The following ITPR2 variants were observed in gnomAD, a reference collection of about 807,000 sequenced individuals.
ITPR2 encodes inositol 1,4,5-trisphosphate receptor type 2.
Under a neutral mutation model 317.1 loss-of-function variants are expected in ITPR2, and 207 were observed. The observed-to-expected ratio is 0.65, with a 90% confidence interval of 0.58 to 0.73. ITPR2 has a LOEUF of 0.73. ITPR2 is among the 30% of genes least tolerant of loss of function. ITPR2 has a pLI of 0.00. For synonymous variants in ITPR2, 1,156 were observed against 1,149.1 expected (o/e 1.01, Z -0.12); for missense variants, 2,613 against 3,284.0 (o/e 0.80, Z 4.99).
chr12:26,693,495 T>C (rs763700964), intron 10 of ITPR2, among the ~76,000 whole-genome samples: 1 of 152,212 alleles, frequency 6.6e-6, no homozygotes, highest in Non-Finnish European at 1.5e-5. Flanking sequence ...AAGTTTCTCA[T>C]ATAAAATTGC....
chr12:26,556,566 T>TGTGTGTGTGTG lies in ITPR2; in HGVS notation c.4822-192_4822-191insCACACACACAC, dbSNP rs1555155169. 8.3e-4 allele frequency among the ~76,000 whole-genome samples: 113 copies of TGTGTGTGTGTG among 136,270 alleles called. 1 individual carries two copies. The highest frequency in any genetic ancestry group is 1.4e-3 in the Non-Finnish European group (89 of 64,386). The allele number at this position is 136,270 out of a possible 152,430, so 89.4% of individuals were successfully genotyped here. On this transcript the variant is annotated intron_variant, in intron 35 of 56. Transcript: ENST00000381340. The stretch of plus-strand genomic sequence containing the variant: ...ATTGCCTGGGTCTCTATTTTTTTTT[T>TGTGTGTGTGTG]TGTGTGTGTGTGTGTGTGTGTGTGT...
chr12:26,656,557 T>C lies in ITPR2; in HGVS notation c.2193-9A>G, dbSNP rs1240250035. 1 of 1,613,808 alleles carries C rather than the reference T, an allele frequency of 6.2e-7. No individual in the cohort carries two copies. ...AGAGGTTTAGCTGGTACCTTAAAAATGGTAAACATATTACATTATTGTCTT... is the reference window on the plus strand; with the variant it reads ...AGAGGTTTAGCTGGTACCTTAAAAACGGTAAACATATTACATTATTGTCTT... On this transcript the variant is annotated splice_polypyrimidine_tract_variant and intron_variant, in intron 18 of 56. Coordinates refer to ENST00000381340, the MANE Select transcript of ITPR2 (RefSeq NM_002223.4).
At chr12:26,451,625 G>A (rs1941744079) in intron 45 of ITPR2, among the ~76,000 whole-genome samples, 1 of 151,892 alleles carries the variant, frequency 6.6e-6, no homozygotes, top group African/African-American at 2.4e-5. Flanking sequence ...GACAAAGATA[G>A]GTACAAAATA....
In ITPR2 at chr12:26,492,854, T is replaced by C. The variant is rs138419700; in HGVS notation, c.5370+1299A>G. ...ACAAGTAAATGATAAATATTTGAGG[T>C]GATGGATATGCTAATTATCCTGATT... On this transcript the variant is annotated intron_variant, in intron 39 of 56. Transcript: ENST00000381340. Among the ~76,000 whole-genome samples, 1,241 of 151,900 alleles carry C rather than the reference T, an allele frequency of 8.2e-3. 28 individuals carry two copies. The highest frequency in any genetic ancestry group is 0.028 in the African/African-American group (1,180 of 41,412).
At chr12:26,697,888 TAC>T (rs1243630957) in intron 9 of ITPR2, among the ~76,000 whole-genome samples, 3 of 151,934 alleles carry the variant, frequency 2.0e-5, no homozygotes, top group Non-Finnish European at 4.4e-5. Context: ...TATTTCAATA[TAC>T]ATGAAAACAT....
intron 44 of ITPR2, among the ~76,000 whole-genome samples, 161 bp from the exon 45 acceptor site, chr12:26,475,579 G>A (rs1007468663): frequency 4.6e-5 from 7 of 152,188 alleles, no homozygotes; most frequent in African/African-American, 1.7e-4. Context: ...AATGAACATG[G>A]AAGTATCTTC....
At chr12:26,812,146 G>C (rs1027517816) in intron 1 of ITPR2, among the ~76,000 whole-genome samples, 13 of 141,620 alleles carry the variant, frequency 9.2e-5, no homozygotes, top group African/African-American at 2.9e-4. Context: ...CTGGGCAACA[G>C]AGCAAGACTC....
At chr12:26,522,327 A>G (rs2136941291) in intron 37 of ITPR2, among the ~76,000 whole-genome samples, 1 of 152,240 alleles carries the variant, frequency 6.6e-6, no homozygotes, top group East Asian at 1.9e-4. Context: ...TTAGACATGA[A>G]GTAGCCACCA....
At chr12:26,363,063 T>A (rs1938887384) in intron 55 of ITPR2, among the ~76,000 whole-genome samples, 1 of 152,218 alleles carries the variant, frequency 6.6e-6, no homozygotes, top group African/African-American at 2.4e-5. Context: ...GGAACTGGGC[T>A]GCATAGCAGG....
At chr12:26,727,106 G>A (rs1003818388) in intron 2 of ITPR2, among the ~76,000 whole-genome samples, 1 of 152,178 alleles carries the variant, frequency 6.6e-6, no homozygotes, top group African/African-American at 2.4e-5. Context: ...CACCTAGCAC[G>A]TGTGTGACCA....
chr12:26,782,513 G>A (rs181935023), intron 2 of ITPR2, among the ~76,000 whole-genome samples: 22 of 152,206 alleles, frequency 1.4e-4, no homozygotes, highest in African/African-American at 4.6e-4. Flanking sequence ...GGCTTTATAC[G>A]ACTAACAGGT....
At chr12:26,550,992 G>C (rs1944511491) in intron 36 of ITPR2, among the ~76,000 whole-genome samples, 1 of 152,196 alleles carries the variant, frequency 6.6e-6, no homozygotes, top group African/African-American at 2.4e-5. Context: ...GTGGTACACT[G>C]TGCACTGGTG....
intron 34 of ITPR2, among the ~76,000 whole-genome samples, chr12:26,572,989 T>TG (rs1945198575): frequency 6.6e-6 from 1 of 151,318 alleles, no homozygotes; most frequent in South Asian, 2.1e-4. Flanking sequence ...AAAAGAAACT[T>TG]GGATTTCATT....
intron 39 of ITPR2, among the ~76,000 whole-genome samples, chr12:26,491,798 A>G (rs952753052): frequency 6.6e-6 from 1 of 152,146 alleles, no homozygotes; most frequent in Non-Finnish European, 1.5e-5. Context: ...GGGTAGATGG[A>G]GTGCCAGTCA....
intron 1 of ITPR2, among the ~76,000 whole-genome samples, chr12:26,790,777 T>C (rs955841288): frequency 3.3e-5 from 5 of 152,172 alleles, no homozygotes; most frequent in Non-Finnish European, 5.9e-5. Context: ...GGAGTGCCCA[T>C]AGAGTAGGTG....
At chr12:26,574,378 T>C (rs1052801099) in intron 34 of ITPR2, among the ~76,000 whole-genome samples, 2 of 152,214 alleles carry the variant, frequency 1.3e-5, no homozygotes. Context: ...CTTCTGAATG[T>C]GTTCCACTTT....
intron 37 of ITPR2, among the ~76,000 whole-genome samples, chr12:26,511,936 T>G (rs968661406): frequency 2.0e-5 from 3 of 152,192 alleles, no homozygotes; most frequent in Admixed American, 2.0e-4. Context: ...TTACTATTCC[T>G]GACACTAAAA....
chr12:26,683,284 G>GCACAT (rs1249734035), intron 11 of ITPR2, among the ~76,000 whole-genome samples: 7 of 152,134 alleles, frequency 4.6e-5, no homozygotes, highest in African/African-American at 1.7e-4. Context: ...GGCCCAGTAG[G>GCACAT]CACATTTCCA....
At chr12:26,700,987 T>C (rs1203351523) in intron 9 of ITPR2, among the ~76,000 whole-genome samples, 1 of 152,228 alleles carries the variant, frequency 6.6e-6, no homozygotes, top group Non-Finnish European at 1.5e-5. Flanking sequence ...ATTGATTTTG[T>C]ATGGCAATGG....
Sources: gnomAD v4.1 joint callset for allele counts (sites outside exome capture counted in the v4.1 genomes callset) on GRCh38, gnomAD v4.1.1 for gene constraint, MANE v1.5 for transcripts, NCBI Gene and HGNC (gene_info 2026-07-23, HGNC 2026-07-21) for gene names.